UBTD2: variants seen among roughly 807,000 people sequenced by gnomAD.
UBTD2 encodes the protein ubiquitin domain-containing protein 2.
UBTD2 carries 9 observed loss-of-function variants against 19.8 expected under a neutral mutation model. That is an observed-to-expected ratio of 0.46 (90% confidence interval 0.27 to 0.79). The LOEUF (loss-of-function observed/expected upper bound fraction) is 0.79. UBTD2 is among the 30% of genes least tolerant of loss of function. The probability of loss-of-function intolerance (pLI) is 0.14; values close to 1 mark genes in which losing one functional copy is unlikely to be tolerated. For synonymous variants in UBTD2, 98 were observed against 103.9 expected (o/e 0.94, Z 0.35); for missense variants, 250 against 300.4 (o/e 0.83, Z 1.24).
chr5:172,248,912 T>C (rs1380268555), intron 1 of UBTD2, among the ~76,000 whole-genome samples: 1 of 151,672 alleles, frequency 6.6e-6, no homozygotes, highest in Non-Finnish European at 1.5e-5. Flanking sequence ...CACTCCAGCC[T>C]GGGTCACGGA....
At chr5:172,216,627 G>T (rs1013928427) in intron 2 of UBTD2, among the ~76,000 whole-genome samples, 4 of 142,906 alleles carry the variant, frequency 2.8e-5, no homozygotes, top group Non-Finnish European at 3.1e-5. Context: ...AAAGCCAGAG[G>T]GGGGAAAAAA....
At chr5:172,217,814 G>A (rs1771575286) in intron 2 of UBTD2, among the ~76,000 whole-genome samples, 1 of 152,140 alleles carries the variant, frequency 6.6e-6, no homozygotes, top group African/African-American at 2.4e-5. Context: ...TAATGGGTAT[G>A]CACCTAACCG....
At chr5:172,230,661 C>T (rs911739565) in intron 2 of UBTD2, among the ~76,000 whole-genome samples, 5 of 151,860 alleles carry the variant, frequency 3.3e-5, no homozygotes, top group Admixed American at 6.6e-5. Flanking sequence ...GAACTGATAT[C>T]GAAGGCTGAA....
chr5:172,253,689 T>A (rs1003927051), intron 1 of UBTD2, among the ~76,000 whole-genome samples: 4 of 151,998 alleles, frequency 2.6e-5, no homozygotes, highest in Non-Finnish European at 5.9e-5. Flanking sequence ...CTTGACTTCA[T>A]GATCCTCCTG....
chr5:172,216,021 G>A (rs1405219353), intron 2 of UBTD2, among the ~76,000 whole-genome samples: 3 of 152,004 alleles, frequency 2.0e-5, no homozygotes, highest in Non-Finnish European at 4.4e-5. Flanking sequence ...AAAATTAGCC[G>A]AGCGTGGTGG....
chr5:172,262,447 A>C, intron 1 of UBTD2, among the ~76,000 whole-genome samples: 1 of 109,010 alleles, frequency 9.2e-6, no homozygotes. Context: ...CAGATCCACC[A>C]AAAAAAAAAA....
rs1755768643 is a variant in UBTD2, at chr5:172,283,530, G to T, written c.70+66C>A. On this transcript the variant is annotated intron_variant, in intron 1 of 2. Transcript: ENST00000393792. This position sits in a 1 kb window ranked among gnomAD's most constrained non-coding sequence, Gnocchi z 4.3. ...GGGCCCGGCGCGGCCCGCGGGGGTC[G>T]GGACAGGTGGCCGGGCCTGGCCGGG... 4.9e-6 allele frequency: 6 copies of T among 1,215,206 alleles called. No individual in the cohort carries two copies. The highest frequency in any genetic ancestry group is 8.5e-5 in the Admixed American group (2 of 23,546). 75.3% of individuals were successfully genotyped at this position (1,215,206 alleles called of 1,614,324 possible).
intron 1 of UBTD2, among the ~76,000 whole-genome samples, chr5:172,246,907 C>T (rs1437571730): frequency 1.3e-5 from 2 of 151,242 alleles, no homozygotes; most frequent in Non-Finnish European, 2.9e-5. Flanking sequence ...GGGATTGCAC[C>T]ACCATTCCCT....
At chr5:172,279,566 G>C (rs2113144071) in intron 1 of UBTD2, among the ~76,000 whole-genome samples, 1 of 152,274 alleles carries the variant, frequency 6.6e-6, no homozygotes, top group South Asian at 2.1e-4. Flanking sequence ...AGTTCTCTTA[G>C]GATATCACTG....
chr5:172,210,834 T>G lies in UBTD2; in HGVS notation c.*996A>C, dbSNP rs1471840578. ...AATAGGCTTTCCTTACACCCCTCCA[T>G]GCAAAGTGGAGGAAATCATTTACTT... On this transcript the variant is annotated 3_prime_UTR_variant, in exon 3 of 3. Coordinates refer to ENST00000393792, the MANE Select transcript of UBTD2 (RefSeq NM_152277.3). 10 of 152,122 alleles carry G rather than the reference T, an allele frequency of 6.6e-5. No individual in the cohort carries two copies. The allele number at this position is 152,122 out of a possible 1,614,324, so 9.4% of individuals were successfully genotyped here.
intron 1 of UBTD2, among the ~76,000 whole-genome samples, chr5:172,253,854 A>G (rs1359437360): frequency 2.0e-5 from 3 of 152,174 alleles, no homozygotes; most frequent in Non-Finnish European, 4.4e-5. Flanking sequence ...GTTAGTTTAC[A>G]TGTTCCCTTG....
chr5:172,244,817 C>T (rs1188825318), intron 1 of UBTD2, among the ~76,000 whole-genome samples: 1 of 151,894 alleles, frequency 6.6e-6, no homozygotes, highest in African/African-American at 2.4e-5. Context: ...CAACCTCCAA[C>T]TCCCGGGTTC....
intron 1 of UBTD2, among the ~76,000 whole-genome samples, chr5:172,262,446 C>CAAAAAAAAAA (rs1191776236): frequency 8.2e-5 from 4 of 48,892 alleles, no homozygotes; most frequent in Admixed American, 2.2e-4. Flanking sequence ...ACAGATCCAC[C>CAAAAAAAAAA]AAAAAAAAAA....
rs139291224 is a variant in UBTD2 at position 172,252,784 on chromosome 5, C to G, written c.71-18426G>C. On this transcript the variant is annotated intron_variant, in intron 1 of 2. Coordinates refer to ENST00000393792, the MANE Select transcript of UBTD2 (RefSeq NM_152277.3). Reference sequence around the variant, plus strand: ...AATGGGTTTTTGCAGTCAAAGCCCTCTTGCTTTCAAGAATGGACAAGAATC... The same window carrying G: ...AATGGGTTTTTGCAGTCAAAGCCCTGTTGCTTTCAAGAATGGACAAGAATC... 4.3e-3 allele frequency among the ~76,000 whole-genome samples: 661 copies of G among 152,246 alleles called. 4 individuals are homozygous for G. The highest frequency in any genetic ancestry group is 0.015 in the African/African-American group (640 of 41,552).
intron 1 of UBTD2, among the ~76,000 whole-genome samples, chr5:172,251,587 C>T (rs1167477133): frequency 1.3e-5 from 2 of 149,866 alleles, no homozygotes; most frequent in Non-Finnish European, 3.0e-5. Flanking sequence ...CAGCAGAAAC[C>T]TTCACACCCA....
At chr5:172,234,891 G>C (rs1771976658) in intron 1 of UBTD2, among the ~76,000 whole-genome samples, 1 of 70,208 alleles carries the variant, frequency 1.4e-5, no homozygotes, top group South Asian at 6.0e-4. Flanking sequence ...CTGGGCGAGA[G>C]TGAAACCTCA....
chr5:172,228,330 G>C (rs1771813827), intron 2 of UBTD2, among the ~76,000 whole-genome samples: 1 of 152,142 alleles, frequency 6.6e-6, no homozygotes. Context: ...TTATACTTTG[G>C]AAGAATGATG....
In UBTD2 at chr5:172,219,478, T is replaced by C. The variant is rs141745096; in HGVS notation, c.308-7251A>G. ...AACCTTTTGTCCGGAGTATCCATGC[T>C]GTATACACCACCTGCCCATTAATCA... On this transcript the variant is annotated intron_variant, in intron 2 of 2. Coordinates refer to ENST00000393792, the MANE Select transcript of UBTD2 (RefSeq NM_152277.3). Among the ~76,000 whole-genome samples the C allele has an allele frequency of 1.1e-3, 172 of 152,334 alleles. 2 individuals are homozygous for C. The highest frequency in any genetic ancestry group is 3.3e-3 in the East Asian group (17 of 5,182).
chr5:172,253,771 A>AC (rs141231878), intron 1 of UBTD2, among the ~76,000 whole-genome samples: 48,922 of 151,836 alleles, frequency 0.32, 7,947 homozygotes, highest in South Asian at 0.42. Flanking sequence ...TGAATTCTTA[A>AC]ATTTTTTTTA....
Sources: allele counts gnomAD v4.1 joint callset (sites outside exome capture counted in the v4.1 genomes callset), GRCh38; gene constraint gnomAD v4.1.1; non-coding constraint Gnocchi (gnomAD v3.1); transcripts MANE v1.5; gene names NCBI Gene and HGNC (gene_info 2026-07-23, HGNC 2026-07-21).